The following PDLIM5 variants were observed in gnomAD, a reference collection of about 807,000 sequenced individuals.
The protein encoded by PDLIM5 is PDZ and LIM domain 5, also known as PDZ and LIM domain protein 5.
A neutral mutation model predicts 64.2 loss-of-function variants in PDLIM5; 34 were observed. The observed-to-expected ratio is 0.53, with a 90% CI of 0.40 to 0.71. The LOEUF (loss-of-function observed/expected upper bound fraction) is 0.71. Among genes scored for constraint, PDLIM5 ranks in the 30% least tolerant of loss-of-function variants. The pLI is 0.00. For missense variants in PDLIM5, 683 were observed against 733.6 expected (o/e 0.93, Z 0.80); for synonymous variants, 253 against 269.1 (o/e 0.94, Z 0.59).
chr4:94,471,311 A>G (rs983296680), intron 2 of PDLIM5, among the ~76,000 whole-genome samples: 1 of 152,144 alleles, frequency 6.6e-6, no homozygotes, highest in African/African-American at 2.4e-5. Flanking sequence ...AATACACCAT[A>G]AAGTCTACTT....
At chr4:94,536,127 C>G (rs544030218) in intron 3 of PDLIM5, among the ~76,000 whole-genome samples, 20 of 152,130 alleles carry the variant, frequency 1.3e-4, no homozygotes, top group Non-Finnish European at 2.5e-4. Context: ...AGTTGGGACG[C>G]ACAGACCAAA....
At chr4:94,647,778 A>G (rs1337215481) in intron 9 of PDLIM5, among the ~76,000 whole-genome samples, 3 of 152,192 alleles carry the variant, frequency 2.0e-5, no homozygotes, top group Non-Finnish European at 2.9e-5. Flanking sequence ...ACGAGTTTCA[A>G]TAAATTTAAA....
At chr4:94,474,713 G>A (rs891046474) in intron 2 of PDLIM5, among the ~76,000 whole-genome samples, 1 of 152,118 alleles carries the variant, frequency 6.6e-6, no homozygotes, top group Admixed American at 6.5e-5. Flanking sequence ...AGGCAGTCAA[G>A]ATCACAGCTC....
At chr4:94,607,218 G>A (rs1438015463) in intron 7 of PDLIM5, among the ~76,000 whole-genome samples, 2 of 151,482 alleles carry the variant, frequency 1.3e-5, no homozygotes, top group Admixed American at 6.6e-5. Context: ...TAATCCATTT[G>A]AAAATCAGTG....
At chr4:94,610,037 T>A (rs1738237264) in intron 7 of PDLIM5, 1 of 599,104 alleles carries the variant, frequency 1.7e-6, no homozygotes, top group Non-Finnish European at 2.9e-6. Flanking sequence ...TTACACTTCT[T>A]ACACTTCACA....
At chr4:94,553,120 TTTATTA>T (rs148574688) in intron 3 of PDLIM5, among the ~76,000 whole-genome samples, 1 of 151,774 alleles carries the variant, frequency 6.6e-6, no homozygotes, top group African/African-American at 2.4e-5. Flanking sequence ...AATTATCAGT[TTTATTA>T]TTATTATTAT....
In PDLIM5 at chr4:94,588,487, C is replaced by T. The variant is rs866204862; in HGVS notation, c.920+2043C>T. ...CTGAGGCAGGAGAATCGCTTGAACC[C>T]GGGAGGCGAAGGTTGCGGTGAGCCG... On this transcript the variant is annotated intron_variant, in intron 7 of 12. Coordinates refer to ENST00000317968, the MANE Select transcript of PDLIM5 (RefSeq NM_006457.5). Among the ~76,000 whole-genome samples, 74 of 152,038 alleles carry T rather than the reference C, an allele frequency of 4.9e-4. 1 individual carries two copies. The highest frequency in any genetic ancestry group is 1.6e-3 in the African/African-American group (67 of 41,478).
intron 2 of PDLIM5, among the ~76,000 whole-genome samples, chr4:94,462,236 C>T (rs1316738294): frequency 6.6e-6 from 1 of 152,112 alleles, no homozygotes; most frequent in Non-Finnish European, 1.5e-5. Context: ...GGAAATGTCT[C>T]CTGGTGCCCT....
intron 11 of PDLIM5, among the ~76,000 whole-genome samples, chr4:94,660,742 A>T (rs150441626): frequency 4.9e-4 from 74 of 152,254 alleles, no homozygotes; most frequent in Non-Finnish European, 8.4e-4. Flanking sequence ...TTGCCAAGTA[A>T]GGTTAATCGA....
chr4:94,456,088 T>G (rs1723322922), intron 2 of PDLIM5: 25 of 874,918 alleles, frequency 2.9e-5, no homozygotes, highest in Non-Finnish European at 4.0e-5. Flanking sequence ...TGTTTCACTT[T>G]CATCACCAGT....
At chr4:94,463,439 G>A (rs936066044) in intron 2 of PDLIM5, among the ~76,000 whole-genome samples, 1 of 151,772 alleles carries the variant, frequency 6.6e-6, no homozygotes, top group African/African-American at 2.4e-5. Flanking sequence ...AAATAAGCTA[G>A]AGAAAACATT....
intron 3 of PDLIM5, among the ~76,000 whole-genome samples, chr4:94,553,726 C>A (rs892905483): frequency 6.6e-6 from 1 of 152,110 alleles, no homozygotes; most frequent in African/African-American, 2.4e-5. Context: ...CAGCTCATCC[C>A]TCCTTGCCAG....
intron 3 of PDLIM5, among the ~76,000 whole-genome samples, chr4:94,569,131 C>T (rs545928637): frequency 1.5e-3 from 229 of 152,186 alleles, no homozygotes; most frequent in Non-Finnish European, 2.9e-3. Flanking sequence ...ACAAAATGGC[C>T]CCCTCCACAG....
chr4:94,568,208 G>A (rs894322584), intron 3 of PDLIM5, among the ~76,000 whole-genome samples: 3 of 152,080 alleles, frequency 2.0e-5, no homozygotes, highest in Non-Finnish European at 2.9e-5. Context: ...CCTGCCCACC[G>A]CTTGTTTTTA....
intron 2 of PDLIM5, among the ~76,000 whole-genome samples, chr4:94,513,934 G>A (rs1422884433): frequency 1.3e-5 from 2 of 150,766 alleles, no homozygotes; most frequent in East Asian, 3.9e-4. Context: ...TATCATGTAG[G>A]GATGTTGATT....
intron 3 of PDLIM5, among the ~76,000 whole-genome samples, chr4:94,567,448 G>T (rs141065533): frequency 3.0e-4 from 46 of 151,722 alleles, no homozygotes; most frequent in African/African-American, 1.0e-3. Context: ...TCAAGTAGAA[G>T]TAATTACTTA....
At chr4:94,563,958 C>CT (rs796820308) in intron 3 of PDLIM5, among the ~76,000 whole-genome samples, 438 of 119,338 alleles carry the variant, frequency 3.7e-3, no homozygotes, top group Non-Finnish European at 5.2e-3. Context: ...TTCTTTCTTT[C>CT]TTTTTTTTTT....
intron 7 of PDLIM5, among the ~76,000 whole-genome samples, chr4:94,615,520 A>G (rs556947128): frequency 3.0e-4 from 46 of 152,320 alleles, no homozygotes; most frequent in African/African-American, 1.1e-3. Flanking sequence ...GAATCTGGAA[A>G]AAAAAGGTAG....
At chr4:94,517,081 A>C (rs1164954047) in intron 2 of PDLIM5, among the ~76,000 whole-genome samples, 1 of 152,200 alleles carries the variant, frequency 6.6e-6, no homozygotes, top group Admixed American at 6.6e-5. Flanking sequence ...GGGACATCAC[A>C]TCACACATTT....
Sources: allele counts gnomAD v4.1 joint callset (sites outside exome capture counted in the v4.1 genomes callset), GRCh38; gene constraint gnomAD v4.1.1; transcripts MANE v1.5; gene names NCBI Gene and HGNC (gene_info 2026-07-23, HGNC 2026-07-21).